Variants in MBOAT1 observed in about 807,000 individuals in gnomAD.
MBOAT1 encodes the protein membrane bound glycerophospholipid O-acyltransferase 1.
Under a neutral mutation model 64.4 loss-of-function variants are expected in MBOAT1, and 67 were observed. The observed-to-expected ratio is 1.04, with a 90% confidence interval of 0.85 to 1.27. MBOAT1 has a LOEUF of 1.27. Among genes scored for constraint, MBOAT1 ranks in the 50% most tolerant of loss-of-function variants. The pLI is 0.00. For synonymous variants in MBOAT1, 229 were observed against 218.9 expected, an observed-to-expected ratio of 1.05 and a Z score of -0.41; for missense variants, 563 against 604.6, an observed-to-expected ratio of 0.93 and a Z score of 0.72.
Position 20,152,717 on chromosome 6 carries a change from C to T in MBOAT1, c.152G>A (p.Arg51His), listed in dbSNP as rs756580004. ...GGTTGTACCAGGACGTAAGTAGATG[C>T]GAAACCAGAAAGCAGCAAACAGAGC... is the stretch of plus-strand genomic sequence containing the variant. ...LVALFAAFWF[R>H]IYLRPGTTSS... The change falls in exon 2 of 13, where the codon CGC becomes CAC. Residue 51 changes from arginine (R) to histidine (H), a missense_variant. Coordinates refer to ENST00000324607, the MANE Select transcript of MBOAT1 (RefSeq NM_001080480.3). The T allele has an allele frequency of 3.1e-6, 5 of 1,612,082 alleles. No individual in the cohort carries two copies. The highest frequency in any genetic ancestry group is 4.2e-6 in the Non-Finnish European group (5 of 1,178,696).
chr6:20,160,096 C>T (rs1021705530), intron 1 of MBOAT1, among the ~76,000 whole-genome samples: 3 of 152,142 alleles, frequency 2.0e-5, no homozygotes, highest in South Asian at 2.1e-4. Context: ...ATTTCAAAGT[C>T]GCCGCAAAGA....
At chr6:20,189,594 T>G (rs1217307222) in intron 1 of MBOAT1, among the ~76,000 whole-genome samples, 1 of 152,232 alleles carries the variant, frequency 6.6e-6, no homozygotes, top group Non-Finnish European at 1.5e-5. Flanking sequence ...AACACATTAT[T>G]ATTTTACCTA....
chr6:20,151,101 G>A (rs1231657666), intron 3 of MBOAT1, 84 bp downstream of exon 3: 2 of 980,454 alleles, frequency 2.0e-6, no homozygotes, highest in African/African-American at 3.2e-5. Flanking sequence ...AATGGGTAAG[G>A]TCCATCTTTA....
intron 9 of MBOAT1, among the ~76,000 whole-genome samples, chr6:20,117,100 C>T (rs933699377): frequency 6.6e-6 from 1 of 152,186 alleles, no homozygotes. Flanking sequence ...TGTGGTCCAT[C>T]GTGACCGGGG....
chr6:20,154,970 G>A (rs1183099788), intron 1 of MBOAT1, among the ~76,000 whole-genome samples: 1 of 152,224 alleles, frequency 6.6e-6, no homozygotes, highest in African/African-American at 2.4e-5. Context: ...CAACTGGAAA[G>A]TCCAAAAGTT....
At chr6:20,181,460 C>T (rs1252787344) in intron 1 of MBOAT1, among the ~76,000 whole-genome samples, 8 of 152,154 alleles carry the variant, frequency 5.3e-5, no homozygotes, top group African/African-American at 1.2e-4. Flanking sequence ...CTGGCCTTTG[C>T]GTCCATCTGT....
chr6:20,154,695 A>G (rs140673340), intron 1 of MBOAT1, among the ~76,000 whole-genome samples: 5 of 152,306 alleles, frequency 3.3e-5, no homozygotes, highest in African/African-American at 9.6e-5. Context: ...ATTTGGTCAT[A>G]TCTTTTCATC....
intron 1 of MBOAT1, among the ~76,000 whole-genome samples, chr6:20,173,054 G>C (rs768822105): frequency 6.6e-5 from 10 of 152,160 alleles, no homozygotes; most frequent in Non-Finnish European, 1.0e-4. Context: ...CTCACTCTCT[G>C]TTGCTACTCT....
chr6:20,209,298 A>C (rs1250155968), intron 1 of MBOAT1, among the ~76,000 whole-genome samples: 1 of 152,238 alleles, frequency 6.6e-6, no homozygotes, highest in African/African-American at 2.4e-5. Flanking sequence ...AGATAATTTT[A>C]TATTTCACAT....
chr6:20,205,636 T>G (rs1352200638), intron 1 of MBOAT1, among the ~76,000 whole-genome samples: 1 of 152,166 alleles, frequency 6.6e-6, no homozygotes, highest in East Asian at 1.9e-4. Context: ...ACACAGGCTC[T>G]GAGGGACAGT....
chr6:20,112,227 G>A (rs565209183), intron 11 of MBOAT1, among the ~76,000 whole-genome samples: 22 of 152,038 alleles, frequency 1.4e-4, no homozygotes, highest in African/African-American at 4.8e-4. Context: ...ATGCATGTTC[G>A]TCTCCTTCTT....
rs1761974893 is a variant in MBOAT1, at chr6:20,165,006, GC to G, written c.100-12238del. Among the ~76,000 whole-genome samples, 3 of 152,204 alleles carry G rather than the reference GC, an allele frequency of 2.0e-5. 1 individual carries two copies. The South Asian group carries it at 6.2e-4, about 31-fold the overall frequency. ...GCATATTTAAGATAGGGTAGGCTAA[GC>G]TATGATATTGATAGGTTGGGCATAT... is the stretch of plus-strand genomic sequence containing the variant. On this transcript the variant is annotated intron_variant, in intron 1 of 12. Transcript: ENST00000324607.
At chr6:20,123,902 A>T (rs943503657) in intron 8 of MBOAT1, among the ~76,000 whole-genome samples, 1 of 127,118 alleles carries the variant, frequency 7.9e-6, no homozygotes, top group Non-Finnish European at 1.8e-5. Context: ...TAAAAATACA[A>T]AAAAAATTAG....
chr6:20,124,274 C>T (rs1561751753), intron 8 of MBOAT1, 134 bp downstream of exon 8: 1 of 807,408 alleles, frequency 1.2e-6, no homozygotes, highest in Non-Finnish European at 1.9e-6. Flanking sequence ...TACGTTAAAA[C>T]TGACCCTGAC....
Position 20,144,289 on chromosome 6 carries a change from T to G in MBOAT1, c.350A>C (p.Tyr117Ser). The G allele has an allele frequency of 6.2e-7, 1 of 1,612,098 alleles. No homozygotes were observed. The highest frequency in any genetic ancestry group is 8.5e-7 in the Non-Finnish European group (1 of 1,178,826). ...HRYSFFVAMG[Y>S]LTICHISRIY... ...TCGGCTGATGTGGCATATTGTAAGA[T>G]ATCCCATTGCTACAAAAAAGGAATA... Residue 117 changes from tyrosine (Y) to serine (S), a missense_variant, in exon 4 of 13, where the codon TAT becomes TCT. Coordinates refer to ENST00000324607, the MANE Select transcript of MBOAT1 (RefSeq NM_001080480.3).
intron 4 of MBOAT1, among the ~76,000 whole-genome samples, chr6:20,141,205 G>A (rs1233728110): frequency 6.6e-6 from 1 of 152,116 alleles, no homozygotes; most frequent in Non-Finnish European, 1.5e-5. Flanking sequence ...CAGGCACAGA[G>A]GCAGGAACTA....
At chr6:20,129,714 A>G (rs980565385) in intron 5 of MBOAT1, among the ~76,000 whole-genome samples, 1 of 152,238 alleles carries the variant, frequency 6.6e-6, no homozygotes, top group Admixed American at 6.5e-5. Context: ...TTTTTATAAG[A>G]TCTCATCAAA....
chr6:20,196,694 C>T (rs1581463446), intron 1 of MBOAT1, among the ~76,000 whole-genome samples: 2 of 151,984 alleles, frequency 1.3e-5, no homozygotes, highest in East Asian at 3.9e-4. Context: ...TACCCCATCT[C>T]AACTAAAAAC....
At chr6:20,143,866 C>T (rs1432280067) in intron 4 of MBOAT1, among the ~76,000 whole-genome samples, 2 of 152,194 alleles carry the variant, frequency 1.3e-5, no homozygotes, top group Non-Finnish European at 2.9e-5. Flanking sequence ...CCAGGCTTTG[C>T]AGGCCACGTG....
Sources: gnomAD v4.1 joint callset for allele counts (sites outside exome capture counted in the v4.1 genomes callset) on GRCh38, gnomAD v4.1.1 for gene constraint, MANE v1.5 for transcripts, NCBI Gene and HGNC (gene_info 2026-07-23, HGNC 2026-07-21) for gene names.